Variants in WRN observed in about 807,000 individuals in gnomAD.
WRN encodes bifunctional 3'-5' exonuclease/ATP-dependent helicase WRN.
Under a neutral mutation model 180.7 loss-of-function variants are expected in WRN, and 149 were observed. The observed-to-expected ratio is 0.82, with a 90% CI of 0.72 to 0.94. The LOEUF is 0.94. Ranked by LOEUF, WRN falls within the 40% of genes least tolerant of loss-of-function variation. The probability of loss-of-function intolerance (pLI) is 0.00; values close to 1 mark genes in which losing one functional copy is unlikely to be tolerated. For missense variants in WRN, 1,661 were observed against 1,700.1 expected (o/e 0.98, Z 0.40); for synonymous variants, 548 against 568.9 (o/e 0.96, Z 0.52).
In WRN at chr8:31,058,111, G is replaced by A. The variant is rs7016874; in HGVS notation, c.-76-261G>A. 0.28 allele frequency among the ~76,000 whole-genome samples: 42,188 copies of A among 152,082 alleles called. 7,152 individuals are homozygous for A. Among genetic ancestry groups the A allele is most frequent in the Non-Finnish European group, 0.38 (25,595 of 67,940 alleles). Reference sequence around the variant, plus strand: ...ATACCCAAGGATTTTCATTGATAGTGAGGTAAGGTTATTCTTGAGAAAGAC... The same window carrying A: ...ATACCCAAGGATTTTCATTGATAGTAAGGTAAGGTTATTCTTGAGAAAGAC... On this transcript the variant is annotated intron_variant, in intron 1 of 34. Transcript: ENST00000298139.
chr8:31,157,348 C>T lies in WRN; in HGVS notation c.3820-20C>T, dbSNP rs763065524. On this transcript the variant is annotated intron_variant, in intron 32 of 34. Transcript: ENST00000298139. ...GGACACTTTTACAACTCACTGGGTT[C>T]TTTGCTGATCTTTCTCTAGAAGAGC... The T allele has an allele frequency of 6.2e-7, 1 of 1,613,262 alleles. No homozygotes were observed. Among genetic ancestry groups the T allele is most frequent in the Non-Finnish European group, 8.5e-7 (1 of 1,179,986 alleles).
intron 1 of WRN, among the ~76,000 whole-genome samples, chr8:31,046,535 CCT>C (rs1357828173): frequency 1.3e-5 from 2 of 152,152 alleles, no homozygotes; most frequent in Non-Finnish European, 2.9e-5. Flanking sequence ...CTACTTCAAG[CCT>C]CTGTTTCTTT....
At chr8:31,159,748 C>G (rs1160260061) in intron 33 of WRN, among the ~76,000 whole-genome samples, 4 of 151,888 alleles carry the variant, frequency 2.6e-5, no homozygotes, top group Non-Finnish European at 5.9e-5. Flanking sequence ...AGTTCAAGAC[C>G]AGCCTGGCCA....
chr8:31,166,170 G>T (rs1991216), intron 33 of WRN, among the ~76,000 whole-genome samples: 150 of 152,158 alleles, frequency 9.9e-4, no homozygotes, highest in African/African-American at 3.6e-3. Flanking sequence ...TTTTCAGGTT[G>T]TCATTTGAAA....
At chr8:31,068,652 T>C (rs929215557) in intron 7 of WRN, among the ~76,000 whole-genome samples, 4 of 152,258 alleles carry the variant, frequency 2.6e-5, no homozygotes, top group Non-Finnish European at 5.9e-5. Flanking sequence ...TATAAGTATT[T>C]AAAATGCTTT....
intron 13 of WRN, among the ~76,000 whole-genome samples, chr8:31,090,073 T>C (rs957727187): frequency 6.6e-6 from 1 of 151,828 alleles, no homozygotes; most frequent in African/African-American, 2.4e-5. Context: ...TGCATACCCA[T>C]GTAACCCAAA....
intron 23 of WRN, among the ~76,000 whole-genome samples, chr8:31,125,418 A>C (rs1801880337): frequency 6.6e-6 from 1 of 150,658 alleles, no homozygotes; most frequent in African/African-American, 2.4e-5. Context: ...CAGACAATGG[A>C]CACTTTGGAG....
intron 3 of WRN, among the ~76,000 whole-genome samples, chr8:31,063,420 A>G (rs1417244895): frequency 2.6e-5 from 4 of 152,228 alleles, no homozygotes; most frequent in Non-Finnish European, 5.9e-5. Context: ...ACAGTGTTGC[A>G]ATGCATATTC....
intron 33 of WRN, among the ~76,000 whole-genome samples, chr8:31,166,561 G>A (rs1272767582): frequency 2.0e-5 from 3 of 151,996 alleles, no homozygotes; most frequent in Non-Finnish European, 4.4e-5. Context: ...TTTTTTATTA[G>A]AATGTTATTT....
At position 31,091,833 on chromosome 8, in the gene WRN, G is replaced by A. The variant is rs766281234; in HGVS notation, c.1833G>A (p.Met611Ile). 1.2e-6 allele frequency: 2 copies of A among 1,612,982 alleles called. No homozygotes were observed. The highest frequency in any genetic ancestry group is 1.7e-6 in the Non-Finnish European group (2 of 1,179,190). The stretch of plus-strand genomic sequence containing the variant: ...ATATTTGTTTTTCTTCTTATAGAAT[G>A]TCCAACATCCCAGCTTGCTTCCTTG... ...LMEDQVLQLKMSNIPACFLGS... is the reference protein window; with the variant it reads ...LMEDQVLQLKISNIPACFLGS... Residue 611 changes from methionine to isoleucine, a missense_variant, in exon 16 of 35, where the codon ATG becomes ATA. Physicochemically the swap from Met to Ile is conservative, Grantham distance 10 (BLOSUM62 1). Coordinates refer to ENST00000298139, the MANE Select transcript of WRN (RefSeq NM_000553.6).
chr8:31,044,342 C>T (rs1393762532), intron 1 of WRN, among the ~76,000 whole-genome samples: 8 of 68,338 alleles, frequency 1.2e-4, no homozygotes, highest in Non-Finnish European at 1.6e-4. Context: ...GCCCGACCTT[C>T]TTTTTTTTTT....
chr8:31,044,300 C>T (rs191997639), intron 1 of WRN, among the ~76,000 whole-genome samples: 14 of 149,634 alleles, frequency 9.4e-5, no homozygotes, highest in Admixed American at 6.7e-5. Context: ...CTTGGCTTCC[C>T]AAAGTGCTAG....
intron 24 of WRN, among the ~76,000 whole-genome samples, chr8:31,138,778 G>A (rs1008774226): frequency 6.6e-6 from 1 of 151,966 alleles, no homozygotes; most frequent in African/African-American, 2.4e-5. Context: ...TAAGATTTAG[G>A]AGAGCATGGT....
At chr8:31,166,252 A>G (rs536131931) in intron 33 of WRN, among the ~76,000 whole-genome samples, 1 of 152,300 alleles carries the variant, frequency 6.6e-6, no homozygotes, top group South Asian at 2.1e-4. Context: ...TTAGGTGAAG[A>G]TGAGTGAGTA....
chr8:31,096,728 G>GTTTTTTTTTTTTTTTTTTTTTTT, intron 16 of WRN, 40 bp from the exon 17 acceptor site: 2 of 1,160,222 alleles, frequency 1.7e-6, no homozygotes, highest in East Asian at 2.8e-5. Flanking sequence ...TTCCCTTCCT[G>GTTTTTTTTTTTTTTTTTTTTTTT]TTTTTTTTTT....
chr8:31,157,976 C>T (rs895305822), intron 33 of WRN, among the ~76,000 whole-genome samples: 1 of 152,160 alleles, frequency 6.6e-6, no homozygotes, highest in Non-Finnish European at 1.5e-5. Context: ...GATCCGCCCA[C>T]CTCAGCCTCC....
At chr8:31,053,091 T>G (rs1006402082) in intron 1 of WRN, among the ~76,000 whole-genome samples, 1 of 152,176 alleles carries the variant, frequency 6.6e-6, no homozygotes, top group African/African-American at 2.4e-5. Context: ...TCATAAACAT[T>G]TGTAACGATC....
At chr8:31,093,202 A>C (rs1304114250) in intron 16 of WRN, among the ~76,000 whole-genome samples, 3 of 152,174 alleles carry the variant, frequency 2.0e-5, no homozygotes, top group African/African-American at 7.2e-5. Context: ...GATTATTACA[A>C]ATAAAGCTGA....
chr8:31,155,904 A>T (rs999401813), intron 32 of WRN, among the ~76,000 whole-genome samples: 3 of 152,234 alleles, frequency 2.0e-5, no homozygotes, highest in African/African-American at 7.2e-5. Flanking sequence ...ATTTAAAATA[A>T]ATAAGAATAA....
Sources: gnomAD v4.1 joint callset for allele counts (sites outside exome capture counted in the v4.1 genomes callset) on GRCh38, gnomAD v4.1.1 for gene constraint, MANE v1.5 for transcripts, NCBI Gene and HGNC (gene_info 2026-07-23, HGNC 2026-07-21) for gene names.